Variants in DLG2 observed in about 807,000 individuals in gnomAD.
DLG2 encodes disks large homolog 2.
DLG2 carries 45 observed loss-of-function variants against 132.5 expected under a neutral mutation model. That is an observed-to-expected ratio of 0.34 (90% CI 0.27 to 0.44). The LOEUF (loss-of-function observed/expected upper bound fraction) is 0.44, where lower values mean the gene tolerates loss of function less well. DLG2 is among the 20% of genes least tolerant of loss of function. The probability of loss-of-function intolerance (pLI) is 1.00; values close to 1 mark genes in which losing one functional copy is unlikely to be tolerated. For missense variants in DLG2, 1,045 were observed against 1,196.9 expected, an observed-to-expected ratio of 0.87 and a Z score of 1.87; for synonymous variants, 424 against 419.6, an observed-to-expected ratio of 1.01 and a Z score of -0.13.
At chr11:84,981,129 G>C (rs1177747766) in intron 6 of DLG2, among the ~76,000 whole-genome samples, 1 of 152,034 alleles carries the variant, frequency 6.6e-6, no homozygotes, top group African/African-American at 2.4e-5. Flanking sequence ...TATATTGGTT[G>C]AATTAGTGAG....
At chr11:85,105,566 T>C (rs2071599685) in intron 6 of DLG2, among the ~76,000 whole-genome samples, 1 of 151,930 alleles carries the variant, frequency 6.6e-6, no homozygotes, top group African/African-American at 2.4e-5. Context: ...TTTCCAGTCC[T>C]GTGGCTACCA....
At chr11:84,950,751 C>T (rs1421863990) in intron 6 of DLG2, among the ~76,000 whole-genome samples, 3 of 151,940 alleles carry the variant, frequency 2.0e-5, no homozygotes, top group Non-Finnish European at 4.4e-5. Flanking sequence ...ACACGCACCC[C>T]TCCCACAAGC....
At chr11:85,552,677 T>C (rs1257076393) in intron 3 of DLG2, among the ~76,000 whole-genome samples, 3 of 151,530 alleles carry the variant, frequency 2.0e-5, no homozygotes, top group African/African-American at 4.8e-5. Context: ...GCAAATTAGA[T>C]ATTGCTGAAG....
intron 16 of DLG2, among the ~76,000 whole-genome samples, chr11:83,866,652 A>G (rs967630458): frequency 1.3e-5 from 2 of 152,170 alleles, no homozygotes; most frequent in Admixed American, 1.3e-4. Flanking sequence ...CCATTTTTAA[A>G]CCCATTTATT....
chr11:83,704,443 G>T (rs1024492903), intron 18 of DLG2, among the ~76,000 whole-genome samples: 3 of 151,952 alleles, frequency 2.0e-5, no homozygotes, highest in African/African-American at 7.3e-5. Flanking sequence ...ACATGCTTCT[G>T]TATTTTGCAG....
intron 3 of DLG2, among the ~76,000 whole-genome samples, chr11:85,489,101 A>G (rs2093499076): frequency 6.6e-6 from 1 of 152,220 alleles, no homozygotes; most frequent in South Asian, 2.1e-4. Flanking sequence ...ATATACAATT[A>G]CAGGCTCCAC....
chr11:84,323,181 A>G (rs1790923104), intron 7 of DLG2, among the ~76,000 whole-genome samples: 1 of 152,110 alleles, frequency 6.6e-6, no homozygotes, highest in Admixed American at 6.6e-5. Context: ...GTCTACACCC[A>G]TTGAACAACA....
At position 84,870,168 on chromosome 11, in the gene DLG2, G is replaced by A. The variant is rs7931597; in HGVS notation, c.357+241493C>T. Reference sequence around the variant, plus strand: ...GCCATCAAGGTGGACATATAGATTTGTGTGTCATTAGCATCATTTTATGCA... The same window carrying A: ...GCCATCAAGGTGGACATATAGATTTATGTGTCATTAGCATCATTTTATGCA... On this transcript the variant is annotated intron_variant, in intron 6 of 27. Transcript: ENST00000376104. Among the ~76,000 whole-genome samples, 201 of 152,290 alleles carry A rather than the reference G, an allele frequency of 1.3e-3. 1 individual carries two copies. Among genetic ancestry groups the A allele is most frequent in the African/African-American group, 4.5e-3 (187 of 41,566 alleles).
At position 84,387,515 on chromosome 11, in the gene DLG2, C is replaced by T. The variant is rs1197855748; in HGVS notation, c.520-136224G>A. ...CAGCTTTGTTGCCTAGCCCCTGAGG[C>T]ATCTTTAATATAGAAACATGTCTAA... On this transcript the variant is annotated intron_variant, in intron 7 of 27. Coordinates refer to ENST00000376104, the MANE Select transcript of DLG2 (RefSeq NM_001142699.3). Among the ~76,000 whole-genome samples, 4 of 152,076 alleles carry T rather than the reference C, an allele frequency of 2.6e-5. No individual in the cohort carries two copies. In the East Asian group the frequency reaches 5.8e-4, roughly 22 times the overall value.
At chr11:84,928,927 A>C (rs1337717957) in intron 6 of DLG2, among the ~76,000 whole-genome samples, 1 of 142,982 alleles carries the variant, frequency 7.0e-6, no homozygotes, top group Non-Finnish European at 1.5e-5. Flanking sequence ...CAAGCCAAGA[A>C]GGCTATGCAA....
intron 6 of DLG2, among the ~76,000 whole-genome samples, chr11:84,674,810 T>C (rs2099709554): frequency 1.3e-5 from 2 of 152,156 alleles, no homozygotes; most frequent in Admixed American, 6.6e-5. Flanking sequence ...CACACGCATA[T>C]ATGTCTGTTC....
chr11:84,469,110 G>T (rs2099101992), intron 7 of DLG2, among the ~76,000 whole-genome samples: 1 of 151,626 alleles, frequency 6.6e-6, no homozygotes, highest in African/African-American at 2.4e-5. Context: ...TCATATCATG[G>T]TATAACTATT....
At chr11:83,999,089 T>G (rs1262741259) in intron 11 of DLG2, among the ~76,000 whole-genome samples, 1 of 152,178 alleles carries the variant, frequency 6.6e-6, no homozygotes, top group African/African-American at 2.4e-5. Flanking sequence ...GTGTGGCTAC[T>G]ACCAGTCACA....
intron 6 of DLG2, among the ~76,000 whole-genome samples, chr11:84,615,576 G>T (rs1440478159): frequency 6.6e-6 from 1 of 151,784 alleles, no homozygotes; most frequent in African/African-American, 2.4e-5. Flanking sequence ...AGCTATATAA[G>T]TGTTGTATCC....
intron 7 of DLG2, among the ~76,000 whole-genome samples, chr11:84,463,670 C>T (rs2099086396): frequency 1.3e-5 from 2 of 151,198 alleles, no homozygotes; most frequent in Non-Finnish European, 3.0e-5. Flanking sequence ...AGGGAAGGGA[C>T]TATGCCCAAC....
chr11:83,890,372 G>C (rs2069416404), intron 15 of DLG2, among the ~76,000 whole-genome samples: 1 of 151,934 alleles, frequency 6.6e-6, no homozygotes, highest in Admixed American at 6.6e-5. Flanking sequence ...TCAGAAATGT[G>C]GTCTTTCCCC....
At chr11:84,041,335 T>G (rs2096073833) in intron 11 of DLG2, among the ~76,000 whole-genome samples, 1 of 151,964 alleles carries the variant, frequency 6.6e-6, no homozygotes, top group African/African-American at 2.4e-5. Context: ...CCAAAGGGTT[T>G]AAGCAGTTAT....
At chr11:84,692,943 C>A (rs758539675) in intron 6 of DLG2, among the ~76,000 whole-genome samples, 2 of 151,742 alleles carry the variant, frequency 1.3e-5, no homozygotes, top group Non-Finnish European at 2.9e-5. Flanking sequence ...TGAGACTTAG[C>A]GAAGTTATAT....
intron 18 of DLG2, among the ~76,000 whole-genome samples, chr11:83,786,105 A>T (rs895186352): frequency 4.6e-5 from 7 of 152,214 alleles, no homozygotes; most frequent in African/African-American, 1.7e-4. Flanking sequence ...TAAACCAAAA[A>T]GCAGGGCATG....
Sources: allele counts gnomAD v4.1 joint callset (sites outside exome capture counted in the v4.1 genomes callset), GRCh38; gene constraint gnomAD v4.1.1; transcripts MANE v1.5; gene names NCBI Gene and HGNC (gene_info 2026-07-23, HGNC 2026-07-21).